The following NAV1 variants were observed in gnomAD, a reference collection of about 807,000 sequenced individuals.
The protein encoded by NAV1 is neuron navigator 1.
NAV1 carries 18 observed loss-of-function variants against 175.2 expected under a neutral mutation model. The ratio of observed to expected loss-of-function variants is 0.10; its 90% CI spans 0.07 to 0.15. NAV1 has a LOEUF of 0.15. Ranked by LOEUF, NAV1 falls within the 10% of genes least tolerant of loss-of-function variation. NAV1 has a pLI of 1.00. For synonymous variants in NAV1, 897 were observed against 978.7 expected (o/e 0.92, Z 1.56); for missense variants, 1,731 against 2,436.6 (o/e 0.71, Z 6.10).
chr1:201,805,977 C>T (rs1043824365), intron 17 of NAV1, among the ~76,000 whole-genome samples: 5 of 123,348 alleles, frequency 4.1e-5, no homozygotes, highest in Admixed American at 8.2e-5. Context: ...ACTGCATTTT[C>T]TCTCTCTCTC....
chr1:201,652,070 A>G (rs955575453), intron 1 of NAV1, among the ~76,000 whole-genome samples: 13 of 152,102 alleles, frequency 8.5e-5, no homozygotes, highest in African/African-American at 3.1e-4. Flanking sequence ...CAGGTATCAG[A>G]CAGGCCCTCA....
At chr1:201,547,338 A>T (rs1235759845) in intron 1 of NAV1, among the ~76,000 whole-genome samples, 3 of 152,212 alleles carry the variant, frequency 2.0e-5, no homozygotes, top group Non-Finnish European at 4.4e-5. Flanking sequence ...CATACCCGTT[A>T]GTACTGGATT....
At chr1:201,783,958 A>AT in intron 7 of NAV1, 106 bp downstream of exon 11, 8 of 995,326 alleles carry the variant, frequency 8.0e-6, no homozygotes, top group East Asian at 5.0e-5. Context: ...GACTTTTGAC[A>AT]TTTTTTCACA....
Position 201,812,410 on chromosome 1 carries a change from C to T in NAV1, c.5025-55C>T, listed in dbSNP as rs1678749242. On this transcript the variant is annotated intron_variant, in intron 26 of 29. Transcript: ENST00000367296. This position sits in a 1 kb window ranked among gnomAD's most constrained non-coding sequence, Gnocchi z 4.6. ...AGGGACAGACTGGCAGGGGCTGAAC[C>T]CTGACAATGTCCCCATTGCCACTCT... 1.3e-6 allele frequency: 2 copies of T among 1,552,104 alleles called. No homozygotes were observed. The highest frequency in any genetic ancestry group is 1.4e-5 in the African/African-American group (1 of 73,770).
chr1:201,702,772 C>G (rs1671494431), intron 1 of NAV1, among the ~76,000 whole-genome samples: 1 of 150,010 alleles, frequency 6.7e-6, no homozygotes, highest in African/African-American at 2.5e-5. Context: ...ACTATGCGCT[C>G]TAGAGTCAGA....
At chr1:201,601,782 T>G (rs1441842453) in intron 2 of NAV1, among the ~76,000 whole-genome samples, 1 of 152,190 alleles carries the variant, frequency 6.6e-6, no homozygotes, top group Non-Finnish European at 1.5e-5. Flanking sequence ...TCTGCAAAAT[T>G]TTGTTAAAGC....
intron 28 of NAV1, among the ~76,000 whole-genome samples, chr1:201,816,430 C>T (rs113013167): frequency 1.4e-3 from 215 of 151,962 alleles, no homozygotes; most frequent in South Asian, 8.3e-3. Flanking sequence ...AGCCATCCCA[C>T]GGCAAATACA....
At chr1:201,642,419 G>T (rs927828871) in intron 2 of NAV1, among the ~76,000 whole-genome samples, 4 of 151,596 alleles carry the variant, frequency 2.6e-5, no homozygotes, top group African/African-American at 9.7e-5. Flanking sequence ...TACAGACGGG[G>T]TTTCACCGTG....
At chr1:201,771,056 C>T (rs1462013796) in intron 3 of NAV1, among the ~76,000 whole-genome samples, 2 of 152,088 alleles carry the variant, frequency 1.3e-5, no homozygotes, top group Admixed American at 1.3e-4. Flanking sequence ...CCAAAGCTGG[C>T]AGCTGGGCTG....
intron 1 of NAV1, among the ~76,000 whole-genome samples, chr1:201,701,263 G>T (rs995460656): frequency 6.6e-6 from 1 of 151,122 alleles, no homozygotes; most frequent in Non-Finnish European, 1.5e-5. Context: ...GGCCTGTTGT[G>T]GGGGTGGGGA....
chr1:201,691,942 T>C (rs1670965306), intron 1 of NAV1, among the ~76,000 whole-genome samples: 1 of 152,246 alleles, frequency 6.6e-6, no homozygotes, highest in Non-Finnish European at 1.5e-5. Context: ...TGGGGGCTGC[T>C]GTTCTGCTTG....
intron 29 of NAV1, among the ~76,000 whole-genome samples, chr1:201,819,220 C>T (rs1679242794): frequency 6.6e-6 from 1 of 152,164 alleles, no homozygotes; most frequent in African/African-American, 2.4e-5. Flanking sequence ...TTCAGGCCTT[C>T]CCTCCTCTCC....
chr1:201,701,447 G>A (rs1671422241), intron 1 of NAV1, among the ~76,000 whole-genome samples: 1 of 151,966 alleles, frequency 6.6e-6, no homozygotes, highest in South Asian at 2.1e-4. Context: ...AAAAGAGCCA[G>A]TAATATTAGC....
Position 201,743,328 on chromosome 1 carries a change from T to G in NAV1, c.1226+24573T>G, listed in dbSNP as rs74741205. Among the ~76,000 whole-genome samples the G allele has an allele frequency of 8.0e-3, 1,213 of 152,312 alleles. 15 individuals carry two copies. Among genetic ancestry groups the G allele is most frequent in the African/African-American group, 0.028 (1,155 of 41,562 alleles). On this transcript the variant is annotated intron_variant, in intron 3 of 29. Coordinates refer to ENST00000367296, the Ensembl canonical transcript of NAV1. ...GTTTAGAGTTGGCCTGCGACTTTAG[T>G]TGGAATGAGGTGAAAATTATAATTG... is the stretch of plus-strand genomic sequence containing the variant.
intron 1 of NAV1, among the ~76,000 whole-genome samples, chr1:201,685,064 G>C (rs968401697): frequency 3.6e-5 from 2 of 55,750 alleles, no homozygotes; most frequent in African/African-American, 1.3e-4. Flanking sequence ...GATCACTTGA[G>C]GTCAGAAATT....
chr1:201,623,787 T>A (rs1260370628), intron 1 of NAV1, among the ~76,000 whole-genome samples, 181 bp downstream of exon 3: 1 of 152,142 alleles, frequency 6.6e-6, no homozygotes, highest in Non-Finnish European at 1.5e-5. Flanking sequence ...AGAGCTGAGA[T>A]GGGATTGGGA....
chr1:201,678,243 C>A (rs1670331042), intron 1 of NAV1, among the ~76,000 whole-genome samples: 1 of 152,222 alleles, frequency 6.6e-6, no homozygotes, highest in Non-Finnish European at 1.5e-5. Context: ...TACTAGAACA[C>A]AAGTCCGGGC....
intron 3 of NAV1, among the ~76,000 whole-genome samples, chr1:201,734,499 G>GAGAAGAAGAAGAAAAAGAAGA (rs1673019388): frequency 6.6e-5 from 8 of 121,060 alleles, no homozygotes; most frequent in Admixed American, 6.2e-4. Flanking sequence ...GAAGGAGAAG[G>GAGAAGAAGAAGAAAAAGAAGA]AGAAGAAGAA....
Position 201,808,945 on chromosome 1 carries a change from T to G in NAV1, c.4207+74T>G, listed in dbSNP as rs1678505787. The G allele has an allele frequency of 1.3e-6, 2 of 1,537,958 alleles. No individual in the cohort carries two copies. The highest frequency in any genetic ancestry group is 1.9e-5 in the Admixed American group (1 of 53,678). On this transcript the variant is annotated intron_variant, in intron 20 of 29. Transcript: ENST00000367296. This position sits in a 1 kb window ranked among gnomAD's most constrained non-coding sequence, Gnocchi z 5.5. ...TTATTTCACTGTTACACCATTCCAC[T>G]TGCTTTGGTCAGGGCGGTAACAATG...
Sources: allele counts gnomAD v4.1 joint callset (sites outside exome capture counted in the v4.1 genomes callset), GRCh38; gene constraint gnomAD v4.1.1; non-coding constraint Gnocchi (gnomAD v3.1); transcripts MANE v1.5; gene names NCBI Gene and HGNC (gene_info 2026-07-23, HGNC 2026-07-21).